The following HELZ variants were observed in gnomAD, a reference collection of about 807,000 sequenced individuals.
The protein encoded by HELZ is helicase with zinc finger.
In HELZ, 23 loss-of-function variants were observed where a neutral mutation model predicts 218.2. That is an observed-to-expected ratio of 0.11 (90% CI 0.08 to 0.15). The LOEUF is 0.15. HELZ is among the 10% of genes least tolerant of loss of function. The pLI is 1.00. For missense variants in HELZ, 1,813 were observed against 2,353.7 expected, an observed-to-expected ratio of 0.77 and a Z score of 4.75; for synonymous variants, 814 against 829.4, an observed-to-expected ratio of 0.98 and a Z score of 0.32.
At chr17:67,149,278 C>T (rs1027706639) in intron 19 of HELZ, among the ~76,000 whole-genome samples, 22 of 152,154 alleles carry the variant, frequency 1.4e-4, no homozygotes, top group African/African-American at 4.1e-4. Context: ...CTTGATGTCC[C>T]GACAGCTATA....
chr17:67,206,485 T>C (rs1014673834), intron 5 of HELZ, among the ~76,000 whole-genome samples: 1 of 152,142 alleles, frequency 6.6e-6, no homozygotes, highest in Non-Finnish European at 1.5e-5. Context: ...AAAATGCAAT[T>C]CCCTTTGCTT....
chr17:67,120,089 C>T (rs372575083), intron 27 of HELZ: 10 of 361,518 alleles, frequency 2.8e-5, no homozygotes, highest in Admixed American at 8.2e-5. Context: ...CTGCAAACTC[C>T]GCCTCCCAGG....
chr17:67,164,114 A>G (rs988687601), intron 15 of HELZ, among the ~76,000 whole-genome samples: 5 of 152,256 alleles, frequency 3.3e-5, no homozygotes, highest in Non-Finnish European at 5.9e-5. Context: ...AATATGAATA[A>G]TATGTAAAAC....
At chr17:67,146,510 CA>C (rs2038502301) in intron 20 of HELZ, among the ~76,000 whole-genome samples, 1 of 152,128 alleles carries the variant, frequency 6.6e-6, no homozygotes, top group Non-Finnish European at 1.5e-5. Context: ...CACACAACAA[CA>C]AAATCACCTA....
In HELZ at chr17:67,190,215, C is replaced by T. The variant is rs200384865; in HGVS notation, c.698G>A (p.Gly233Asp). ...TTCTATCAAGGTTTCCATGTAACTG[C>T]CTGAGAGCTGTTTATTCTCATTTTG... is the stretch of plus-strand genomic sequence containing the variant. The part of the protein sequence containing the change: ...KQQNENKQLS[G>D]SYMETLIEKW... Residue 233 changes from glycine (G) to aspartate (D), a missense_variant, in exon 10 of 33, where the codon GGC (glycine) becomes GAC (aspartate). By Grantham distance (94) the Gly-to-Asp change is moderately conservative (BLOSUM62 -1). This residue lies in a region of HELZ where 714 missense variants were observed against 1,029.2 expected (regional missense o/e 0.69). Coordinates refer to ENST00000358691, the MANE Select transcript of HELZ (RefSeq NM_014877.4). 39 of 1,613,918 alleles carry T rather than the reference C, an allele frequency of 2.4e-5. No homozygotes were observed. Among genetic ancestry groups the T allele is most frequent in the Non-Finnish European group, 1.7e-6 (2 of 1,179,950 alleles).
chr17:67,197,611 G>A (rs9916555), intron 7 of HELZ, among the ~76,000 whole-genome samples: 5,944 of 152,256 alleles, frequency 0.039, 403 homozygotes, highest in African/African-American at 0.13. Context: ...GCCTTGAACA[G>A]CACAGGTGCT....
At chr17:67,194,104 A>G in intron 8 of HELZ, 62 bp from the exon 9 acceptor site, 1 of 1,160,034 alleles carries the variant, frequency 8.6e-7, no homozygotes, top group East Asian at 2.4e-5. Flanking sequence ...TGATATTTTA[A>G]TGTGTAAGAG....
Position 67,075,112 on chromosome 17 carries a change from A to T in HELZ, c.*3140T>A, listed in dbSNP as rs894081035. The T allele has an allele frequency of 6.6e-6, 1 of 152,198 alleles. No individual in the cohort carries two copies. Among genetic ancestry groups the T allele is most frequent in the Non-Finnish European group, 1.5e-5 (1 of 68,014 alleles). 9.4% of individuals were successfully genotyped at this position (152,198 alleles called of 1,614,324 possible). ...CATGTTACACGGAATGAGGTTCTTC[A>T]AATCGTAACAAAAGACCATTTTTAG... On this transcript the variant is annotated 3_prime_UTR_variant, in exon 33 of 33. Coordinates refer to ENST00000358691, the MANE Select transcript of HELZ (RefSeq NM_014877.4).
At chr17:67,147,878 G>A (rs1243680927) in intron 20 of HELZ, among the ~76,000 whole-genome samples, 2 of 152,210 alleles carry the variant, frequency 1.3e-5, no homozygotes, top group Admixed American at 1.3e-4. Context: ...AGCTGAACAC[G>A]TGGAGGTTCT....
intron 28 of HELZ, among the ~76,000 whole-genome samples, chr17:67,112,259 TCAGGTTG>T (rs373565256): frequency 7.9e-5 from 12 of 152,328 alleles, no homozygotes; most frequent in Non-Finnish European, 1.3e-4. Context: ...AAACATGTCT[TCAGGTTG>T]CCTAGTTCTC....
intron 31 of HELZ, among the ~76,000 whole-genome samples, chr17:67,093,342 G>A (rs1029194732): frequency 4.0e-5 from 6 of 151,762 alleles, no homozygotes; most frequent in African/African-American, 1.5e-4. Flanking sequence ...AAGTATGACA[G>A]GAAATAAAGA....
At chr17:67,210,485 A>G (rs894192139) in intron 5 of HELZ, among the ~76,000 whole-genome samples, 5 of 152,350 alleles carry the variant, frequency 3.3e-5, no homozygotes, top group Non-Finnish European at 7.3e-5. Context: ...TAGGCTTTAC[A>G]AATCTTACAG....
At chr17:67,165,094 C>T (rs2039101812) in intron 15 of HELZ, among the ~76,000 whole-genome samples, 2 of 152,172 alleles carry the variant, frequency 1.3e-5, no homozygotes, top group Non-Finnish European at 2.9e-5. Flanking sequence ...TTTTTACAAT[C>T]AGTAGATCAC....
chr17:67,148,518 C>T (rs1205668336), intron 20 of HELZ, 51 bp downstream of exon 20: 2 of 1,543,106 alleles, frequency 1.3e-6, no homozygotes, highest in Non-Finnish European at 1.8e-6. Context: ...GAGTTCCCTC[C>T]TACTATCAGA....
Position 67,151,157 on chromosome 17 carries a change from T to C in HELZ, c.2245A>G (p.Ser749Gly). The part of the protein sequence containing the change: ...PVVHQYCLIS[S>G]AHSTFQMPQK... ...GGCATCTGAAAGGTGGAATGTGCGCTTGAGATCAAACAGTACTGATGCACA... is the reference window on the plus strand; with the variant it reads ...GGCATCTGAAAGGTGGAATGTGCGCCTGAGATCAAACAGTACTGATGCACA... The change falls in exon 18 of 33, where the codon AGC (serine) becomes GGC (glycine). Residue 749 changes from serine (S) to glycine (G), a missense_variant. Coordinates refer to ENST00000358691, the MANE Select transcript of HELZ (RefSeq NM_014877.4). 6.2e-7 allele frequency: 1 copy of C among 1,614,036 alleles called. No individual in the cohort carries two copies. Among genetic ancestry groups the C allele is most frequent in the South Asian group, 1.1e-5 (1 of 91,082 alleles).
At chr17:67,150,794 A>G (rs1179623575) in intron 18 of HELZ, among the ~76,000 whole-genome samples, 3 of 152,234 alleles carry the variant, frequency 2.0e-5, no homozygotes, top group African/African-American at 7.2e-5. Flanking sequence ...TTTCTTCAGT[A>G]AAGAGCCAAA....
In HELZ at chr17:67,075,940, A is replaced by C. The variant is rs1401477720; in HGVS notation, c.*2312T>G. ...TTCCTTATCCAAAGCTTCCATCATC[A>C]ACATATTTATATAAGGTGATGGGGT... On this transcript the variant is annotated 3_prime_UTR_variant, in exon 33 of 33. Coordinates refer to ENST00000358691, the MANE Select transcript of HELZ (RefSeq NM_014877.4). 6.5e-6 allele frequency: 1 copy of C among 152,686 alleles called. No individual in the cohort carries two copies. The highest frequency in any genetic ancestry group is 1.5e-5 in the Non-Finnish European group (1 of 68,044). 9.5% of individuals were successfully genotyped at this position (152,686 alleles called of 1,614,324 possible). A position where few individuals can be genotyped will look rare whatever the true frequency, so the allele number is the denominator to read the frequency against.
At chr17:67,212,254 G>T (rs986810608) in intron 5 of HELZ, among the ~76,000 whole-genome samples, 2 of 132,594 alleles carry the variant, frequency 1.5e-5, no homozygotes, top group Non-Finnish European at 3.1e-5. Flanking sequence ...GGCACAGGTT[G>T]CAGTGAGCCG....
chr17:67,189,622 G>A lies in HELZ; in HGVS notation c.831C>T (p.Ser277=). 1 of 1,613,208 alleles carries A rather than the reference G, an allele frequency of 6.2e-7. No homozygotes were observed. The highest frequency in any genetic ancestry group is 8.5e-7 in the Non-Finnish European group (1 of 1,179,302). ...DLSVTVSTKK[S]HQTWTFALTC... Reference sequence around the variant, plus strand: ...TGAGAGCAAAGGTCCATGTCTGGTGGGATTTTTTGGTGCTGACAGTAACTG... The same window carrying A: ...TGAGAGCAAAGGTCCATGTCTGGTGAGATTTTTTGGTGCTGACAGTAACTG... The change falls in exon 11 of 33, where the codon TCC becomes TCT. Residue 277 remains serine, a synonymous_variant. Coordinates refer to ENST00000358691, the MANE Select transcript of HELZ (RefSeq NM_014877.4).
Sources: allele counts gnomAD v4.1 joint callset (sites outside exome capture counted in the v4.1 genomes callset), GRCh38; gene constraint gnomAD v4.1.1; regional missense constraint gnomAD v4.1.1; transcripts MANE v1.5; gene names NCBI Gene and HGNC (gene_info 2026-07-23, HGNC 2026-07-21).